The following ABLIM1 variants were observed in gnomAD, a reference collection of about 807,000 sequenced individuals.
ABLIM1 encodes the protein actin binding LIM protein 1.
ABLIM1 carries 40 observed loss-of-function variants against 107.0 expected under a neutral mutation model. That is an observed-to-expected ratio of 0.37 (90% CI 0.29 to 0.49). The LOEUF is 0.49. ABLIM1 is among the 20% of genes least tolerant of loss of function. ABLIM1 has a pLI of 0.97. For synonymous variants in ABLIM1, 357 were observed against 357.3 expected (o/e 1.00, Z 0.01); for missense variants, 857 against 1,008.5 (o/e 0.85, Z 2.04).
intron 1 of ABLIM1, among the ~76,000 whole-genome samples, chr10:114,723,366 A>G (rs558978617): frequency 6.6e-6 from 1 of 152,280 alleles, no homozygotes; most frequent in East Asian, 1.9e-4. Context: ...ACCTGGCCAA[A>G]GTCTGGGTTC....
intron 1 of ABLIM1, among the ~76,000 whole-genome samples, chr10:114,708,522 G>A (rs759770804): frequency 1.3e-5 from 2 of 152,166 alleles, no homozygotes; most frequent in African/African-American, 2.4e-5. Context: ...AGTAAGTTGT[G>A]TATTTCTGGC....
intron 6 of ABLIM1, among the ~76,000 whole-genome samples, chr10:114,537,752 A>G (rs2066193191): frequency 2.6e-5 from 4 of 152,228 alleles, no homozygotes; most frequent in African/African-American, 7.2e-5. Flanking sequence ...AGATAACAGG[A>G]TCAGATAACA....
chr10:114,765,203 T>C (rs1285094093), intron 1 of ABLIM1, among the ~76,000 whole-genome samples: 2 of 151,988 alleles, frequency 1.3e-5, no homozygotes, highest in African/African-American at 4.8e-5. Flanking sequence ...TGCGCCACCA[T>C]GCCCAGCTAA....
chr10:114,654,538 C>T (rs1027427763), intron 1 of ABLIM1, among the ~76,000 whole-genome samples: 1 of 152,096 alleles, frequency 6.6e-6, no homozygotes, highest in Admixed American at 6.5e-5. Flanking sequence ...TCTTGAACTC[C>T]TAGGCCCAAG....
chr10:114,747,901 G>A lies in ABLIM1; in HGVS notation c.-213+20160C>T, dbSNP rs532113799. ...TTAAAAATACAAAAATTAGCTGGGC[G>A]TGTTGGTATGTGCCTGTAATCCCAG... On this transcript the variant is annotated intron_variant, in intron 1 of 15. Transcript: ENST00000651092. Among the ~76,000 whole-genome samples, 7 of 152,266 alleles carry A rather than the reference G, an allele frequency of 4.6e-5. No homozygotes were observed. The South Asian group carries it at 8.3e-4, about 18-fold the overall frequency.
chr10:114,476,245 A>G (rs1371332281), intron 8 of ABLIM1, among the ~76,000 whole-genome samples: 1 of 152,210 alleles, frequency 6.6e-6, no homozygotes, highest in East Asian at 1.9e-4. Flanking sequence ...GCCGTGCACA[A>G]GCGCTTTCCT....
At chr10:114,734,095 G>A (rs550326011) in intron 1 of ABLIM1, among the ~76,000 whole-genome samples, 4 of 152,154 alleles carry the variant, frequency 2.6e-5, no homozygotes, top group African/African-American at 9.6e-5. Flanking sequence ...TCTGACCTCA[G>A]GTGATCCGCC....
intron 2 of ABLIM1, among the ~76,000 whole-genome samples, chr10:114,584,828 TAAGTA>T (rs1411054338): frequency 1.3e-5 from 2 of 152,182 alleles, no homozygotes; most frequent in African/African-American, 4.8e-5. Flanking sequence ...TTTACAATAT[TAAGTA>T]AAGAGCCCTG....
intron 2 of ABLIM1, among the ~76,000 whole-genome samples, chr10:114,576,425 G>C (rs996631697): frequency 1.3e-5 from 2 of 152,184 alleles, no homozygotes; most frequent in African/African-American, 4.8e-5. Flanking sequence ...GGAAATCTCT[G>C]ACCCTAACCT....
At chr10:114,612,767 G>A (rs555506919) in intron 1 of ABLIM1, among the ~76,000 whole-genome samples, 2 of 152,284 alleles carry the variant, frequency 1.3e-5, no homozygotes, top group East Asian at 1.9e-4. Flanking sequence ...CATCCATCCT[G>A]ACTCTGAGAG....
At chr10:114,752,240 G>A (rs1321033370) in intron 1 of ABLIM1, among the ~76,000 whole-genome samples, 1 of 152,198 alleles carries the variant, frequency 6.6e-6, no homozygotes, top group Non-Finnish European at 1.5e-5. Flanking sequence ...AGGGCACTCT[G>A]TTGTATGGTG....
chr10:114,662,457 C>T (rs144914969), upstream of ABLIM1, among the ~76,000 whole-genome samples: 2 of 152,134 alleles, frequency 1.3e-5, no homozygotes, highest in Non-Finnish European at 2.9e-5. Flanking sequence ...TCCCTGCTCC[C>T]CGTAAGTCCT....
chr10:114,757,993 C>T (rs1189657652), intron 1 of ABLIM1, among the ~76,000 whole-genome samples: 1 of 151,914 alleles, frequency 6.6e-6, no homozygotes, highest in Non-Finnish European at 1.5e-5. Flanking sequence ...GCTCATCTCA[C>T]TGCCTAAAAA....
At chr10:114,732,686 G>A (rs2082100734) in intron 1 of ABLIM1, among the ~76,000 whole-genome samples, 1 of 151,818 alleles carries the variant, frequency 6.6e-6, no homozygotes, top group Admixed American at 6.6e-5. Flanking sequence ...CTTACTTTTA[G>A]TTATGCTACC....
At chr10:114,632,544 T>C (rs932291414) in intron 1 of ABLIM1, 28 of 985,280 alleles carry the variant, frequency 2.8e-5, no homozygotes, top group East Asian at 1.1e-4. Context: ...CACTTTCTTA[T>C]GAAAAATGAA....
intron 1 of ABLIM1, among the ~76,000 whole-genome samples, chr10:114,654,424 T>C (rs1247174838): frequency 1.3e-5 from 2 of 152,244 alleles, no homozygotes; most frequent in African/African-American, 2.4e-5. Context: ...TGTGCCACTA[T>C]ACCAAACACT....
At chr10:114,640,834 AAAG>A (rs2078711623) in intron 1 of ABLIM1, among the ~76,000 whole-genome samples, 1 of 152,196 alleles carries the variant, frequency 6.6e-6, no homozygotes, top group Non-Finnish European at 1.5e-5. Flanking sequence ...TCTGGGGAAT[AAAG>A]AAAAAAGCTT....
At chr10:114,602,098 A>C (rs2076056559) in intron 1 of ABLIM1, 137 bp from the exon 2 acceptor site, 1 of 1,168,396 alleles carries the variant, frequency 8.6e-7, no homozygotes, top group African/African-American at 1.5e-5. Context: ...AGTCCCTCCA[A>C]GTCATAATCC....
rs375323982 is a variant in ABLIM1 at position 114,682,968 on chromosome 10, A to T, written c.64+1322T>A. Among the ~76,000 whole-genome samples the T allele has an allele frequency of 3.3e-5, 5 of 152,344 alleles. No individual in the cohort carries two copies. The South Asian group carries it at 6.2e-4, about 19-fold the overall frequency. ...GGACTTTAAATTCATTTAAATAAAG[A>T]CATCTAGACATCTTGAGATATTCTA... On this transcript the variant is annotated intron_variant, in intron 1 of 23. Transcript: ENST00000369256.
Sources: gnomAD v4.1 joint callset for allele counts (sites outside exome capture counted in the v4.1 genomes callset) on GRCh38, gnomAD v4.1.1 for gene constraint, MANE v1.5 for transcripts, NCBI Gene and HGNC (gene_info 2026-07-23, HGNC 2026-07-21) for gene names.